WWOX: variants seen among roughly 807,000 people sequenced by gnomAD.
The protein encoded by WWOX is WW domain containing oxidoreductase.
A neutral mutation model predicts 46.2 loss-of-function variants in WWOX; 69 were observed. That is an observed-to-expected ratio of 1.49 (90% CI 1.23 to 1.82). The LOEUF is 1.82. Ranked by LOEUF, WWOX falls within the 40% of genes most tolerant of loss-of-function variation. The pLI is 0.00. For missense variants in WWOX, 919 were observed against 542.6 expected (o/e 1.69, Z -6.89); for synonymous variants, 359 against 202.6 (o/e 1.77, Z -6.56).
At chr16:78,313,680 C>T (rs562226681) in intron 5 of WWOX, among the ~76,000 whole-genome samples, 9 of 152,232 alleles carry the variant, frequency 5.9e-5, no homozygotes, top group South Asian at 2.1e-4. Flanking sequence ...GTTTTTCCTA[C>T]GTACCGTGAT....
At chr16:78,994,874 T>C (rs1309824289) in intron 8 of WWOX, among the ~76,000 whole-genome samples, 1 of 150,720 alleles carries the variant, frequency 6.6e-6, no homozygotes, top group Non-Finnish European at 1.5e-5. Flanking sequence ...TATTATAATG[T>C]GAAAAAGGTG....
intron 8 of WWOX, among the ~76,000 whole-genome samples, chr16:79,194,299 T>C (rs1214239810): frequency 1.3e-5 from 2 of 152,224 alleles, no homozygotes; most frequent in African/African-American, 4.8e-5. Context: ...AAAGGAAATT[T>C]GAGCATTCAT....
intron 8 of WWOX, among the ~76,000 whole-genome samples, chr16:78,882,526 G>T (rs532345918): frequency 3.0e-4 from 45 of 151,052 alleles, no homozygotes; most frequent in African/African-American, 1.1e-3. Context: ...ACCCAGGCTG[G>T]CGTGCATTGG....
intron 8 of WWOX, among the ~76,000 whole-genome samples, chr16:78,866,469 G>T (rs1004241641): frequency 1.3e-5 from 2 of 152,088 alleles, no homozygotes; most frequent in African/African-American, 4.8e-5. Context: ...AGCTGTGTGG[G>T]TACCTCTTGT....
At chr16:78,945,654 T>C (rs1212768547) in intron 8 of WWOX, among the ~76,000 whole-genome samples, 2 of 151,042 alleles carry the variant, frequency 1.3e-5, no homozygotes, top group African/African-American at 4.9e-5. Context: ...GATTTTTTTT[T>C]AAGTTGGCAT....
intron 8 of WWOX, among the ~76,000 whole-genome samples, chr16:79,035,624 C>T (rs746229840): frequency 3.3e-5 from 5 of 152,158 alleles, no homozygotes; most frequent in Non-Finnish European, 4.4e-5. Flanking sequence ...ACTGCAACCT[C>T]GTCTCCCGGG....
At chr16:78,119,609 G>T (rs1042237441) in intron 4 of WWOX, among the ~76,000 whole-genome samples, 1 of 151,464 alleles carries the variant, frequency 6.6e-6, no homozygotes, top group Non-Finnish European at 1.5e-5. Context: ...TCCAGGGTTT[G>T]TGAGACATCC....
intron 8 of WWOX, among the ~76,000 whole-genome samples, chr16:79,025,760 C>T (rs8053936): frequency 0.46 from 68,536 of 147,874 alleles, 16,324 homozygotes; most frequent in East Asian, 0.62. Flanking sequence ...TTTCATCCTT[C>T]ATCTCCCCTG....
rs950976427 is a variant in WWOX, at chr16:78,135,789, C to A, written c.409+20635C>A. 7.9e-5 allele frequency among the ~76,000 whole-genome samples: 12 copies of A among 152,184 alleles called. 1 individual carries two copies. The highest frequency in any genetic ancestry group is 2.6e-4 in the Admixed American group (4 of 15,288). On this transcript the variant is annotated intron_variant, in intron 4 of 8. Coordinates refer to ENST00000566780, the MANE Select transcript of WWOX (RefSeq NM_016373.4). ...AAAATGACATGTCGATCTGTGATTCCTTTTTTACTTGTCAGTCCTTTTGGG... is the reference window on the plus strand; with the variant it reads ...AAAATGACATGTCGATCTGTGATTCATTTTTTACTTGTCAGTCCTTTTGGG...
chr16:78,241,295 T>TC (rs397761658), intron 5 of WWOX: 2 of 152,182 alleles, frequency 1.3e-5, no homozygotes, highest in Admixed American at 6.6e-5. Context: ...TGTTTTTTTT[T>TC]CCCCTTCTCT....
At chr16:78,609,136 G>A (rs1014199650) in intron 8 of WWOX, among the ~76,000 whole-genome samples, 1 of 152,172 alleles carries the variant, frequency 6.6e-6, no homozygotes, top group Non-Finnish European at 1.5e-5. Flanking sequence ...AGGGGCAGGG[G>A]AAGGTTATAT....
At chr16:79,049,743 G>C (rs1329329776) in intron 8 of WWOX, among the ~76,000 whole-genome samples, 2 of 151,328 alleles carry the variant, frequency 1.3e-5, no homozygotes, top group Non-Finnish European at 1.5e-5. Context: ...GGCTGAGGCA[G>C]AGAATTGCTT....
chr16:78,558,472 C>G (rs866967473), intron 8 of WWOX, among the ~76,000 whole-genome samples: 48 of 152,362 alleles, frequency 3.2e-4, no homozygotes, highest in African/African-American at 1.1e-3. Flanking sequence ...TTACATTTGG[C>G]TACAGTTGGC....
intron 8 of WWOX, among the ~76,000 whole-genome samples, chr16:79,086,063 C>T (rs903046460): frequency 6.9e-4 from 75 of 108,770 alleles, no homozygotes; most frequent in African/African-American, 2.6e-3. Flanking sequence ...CAGTGTGAGA[C>T]CCCATCTCCA....
intron 8 of WWOX, chr16:79,101,398 T>A (rs1174406405): frequency 2.0e-5 from 3 of 152,110 alleles, no homozygotes; most frequent in Non-Finnish European, 2.9e-5. Context: ...TTTGGTAAAT[T>A]CCCCAAATTT....
At chr16:78,746,873 G>C (rs1424692436) in intron 8 of WWOX, among the ~76,000 whole-genome samples, 1 of 152,040 alleles carries the variant, frequency 6.6e-6, no homozygotes, top group Non-Finnish European at 1.5e-5. Flanking sequence ...GAAATTTTGA[G>C]GTTGTTTGTT....
rs1046321203 is a variant in WWOX at position 79,052,964 on chromosome 16, T to C, written c.1057-158644T>C. Reference sequence around the variant, plus strand: ...GGACCCTGGGAGTATGTTTGTGTATTTGGGGGTTGGGATGGGGGGGTGGGT... The same window carrying C: ...GGACCCTGGGAGTATGTTTGTGTATCTGGGGGTTGGGATGGGGGGGTGGGT... On this transcript the variant is annotated intron_variant, in intron 8 of 8. Transcript: ENST00000566780. Among the ~76,000 whole-genome samples, 4 of 62,746 alleles carry C rather than the reference T, an allele frequency of 6.4e-5. No individual in the cohort carries two copies. The Admixed American group carries it at 9.8e-4, about 15-fold the overall frequency. The allele number at this position is 62,746 out of a possible 152,430, so 41.2% of individuals were successfully genotyped here.
chr16:79,152,754 G>A (rs940427952), intron 8 of WWOX, among the ~76,000 whole-genome samples: 2 of 152,122 alleles, frequency 1.3e-5, no homozygotes, highest in African/African-American at 4.8e-5. Flanking sequence ...TGTGGGCAGA[G>A]CTCAGGGAAT....
At chr16:79,071,608 A>G (rs1252277635) in intron 8 of WWOX, among the ~76,000 whole-genome samples, 1 of 152,168 alleles carries the variant, frequency 6.6e-6, no homozygotes, top group African/African-American at 2.4e-5. Context: ...GTCCCATTAC[A>G]CGCTCAGGCT....
Sources: allele counts gnomAD v4.1 joint callset (sites outside exome capture counted in the v4.1 genomes callset), GRCh38; gene constraint gnomAD v4.1.1; transcripts MANE v1.5; gene names NCBI Gene and HGNC (gene_info 2026-07-23, HGNC 2026-07-21).